The following FANCM variants were observed in gnomAD, a reference collection of about 807,000 sequenced individuals.
FANCM encodes Fanconi anemia group M protein.
A neutral mutation model predicts 199.5 loss-of-function variants in FANCM; 140 were observed. The ratio of observed to expected loss-of-function variants is 0.70; its 90% CI spans 0.61 to 0.81. The LOEUF is 0.81. Among genes scored for constraint, FANCM ranks in the 30% least tolerant of loss-of-function variants. FANCM has a pLI of 0.00. For synonymous variants in FANCM, 840 were observed against 836.8 expected, an observed-to-expected ratio of 1.00 and a Z score of -0.07; for missense variants, 2,410 against 2,421.4, an observed-to-expected ratio of 1.00 and a Z score of 0.10.
intron 3 of FANCM, 126 bp from the exon 4 acceptor site, chr14:45,148,711 G>A (rs1284813199): frequency 1.5e-6 from 1 of 649,960 alleles, no homozygotes. Context: ...TTTCTTTTTT[G>A]TTACTTAATG....
At chr14:45,174,811 T>G (rs1397722638) in intron 13 of FANCM, among the ~76,000 whole-genome samples, 3 of 152,184 alleles carry the variant, frequency 2.0e-5, no homozygotes, top group African/African-American at 7.2e-5. Context: ...TTGTTCTTCC[T>G]ACAAATAGTT....
chr14:45,185,125 A>T (rs1297066920), intron 17 of FANCM, 92 bp from the exon 18 acceptor site: 1 of 898,822 alleles, frequency 1.1e-6, no homozygotes, highest in South Asian at 1.5e-5. Context: ...AAAAGCATTG[A>T]TAAGAAATCA....
At chr14:45,144,854 G>C (rs1169288072) in intron 3 of FANCM, among the ~76,000 whole-genome samples, 1 of 151,880 alleles carries the variant, frequency 6.6e-6, no homozygotes, top group Non-Finnish European at 1.5e-5. Context: ...GCTGGTACCT[G>C]AGGTGTAAGA....
Position 45,196,121 on chromosome 14 carries a change from G to A in FANCM, c.5341-51G>A, listed in dbSNP as rs373917846. On this transcript the variant is annotated intron_variant, in intron 20 of 22. Transcript: ENST00000267430. ...CAACTTCGGGTGTGAGACGTTTATG[G>A]CATTTTTATGCATTTAACCTGAATG... 112 of 1,600,040 alleles carry A rather than the reference G, an allele frequency of 7.0e-5. No homozygotes were observed. The African/African-American group carries it at 1.4e-3, about 20-fold the overall frequency.
intron 5 of FANCM, 143 bp from the exon 6 acceptor site, chr14:45,153,777 A>G: frequency 1.3e-6 from 1 of 744,782 alleles, no homozygotes; most frequent in Non-Finnish European, 2.4e-6. Context: ...CCAATCGGTT[A>G]TAGCAGTGTA....
intron 18 of FANCM, among the ~76,000 whole-genome samples, chr14:45,185,985 A>T (rs1889377233): frequency 6.6e-6 from 1 of 152,110 alleles, no homozygotes; most frequent in South Asian, 2.1e-4. Context: ...TGCAGCCTTG[A>T]ACTCCTAGGC....
rs1284710681 is a variant in FANCM at position 45,136,457 on chromosome 14, A to C, written c.426A>C (p.Pro142=). ...FPSGKVVFMA[P]TKPLVTQQIE... ...CAGGAAAGGTGGTCTTCATGGCCCC[A>C]ACGAAACCCTTGGTGACACAGCAGA... Residue 142 remains proline (P), a synonymous_variant, in exon 1 of 23, where the codon CCA becomes CCC. Coordinates refer to ENST00000267430, the MANE Select transcript of FANCM (RefSeq NM_020937.4). 2.5e-6 allele frequency: 4 copies of C among 1,614,068 alleles called. No homozygotes were observed. Among genetic ancestry groups the C allele is most frequent in the Non-Finnish European group, 3.4e-6 (4 of 1,180,050 alleles).
chr14:45,146,240 G>A (rs1277686071), intron 3 of FANCM, among the ~76,000 whole-genome samples: 251 of 93,152 alleles, frequency 2.7e-3, no homozygotes, highest in South Asian at 3.5e-3. Flanking sequence ...GACTCCGTCT[G>A]AAAAAAAAAA....
intron 20 of FANCM, chr14:45,195,715 T>A (rs1184095824): frequency 9.1e-6 from 3 of 329,022 alleles, no homozygotes; most frequent in African/African-American, 4.3e-5. Flanking sequence ...GTTAGTTTTT[T>A]AAAACTGAAC....
chr14:45,175,536 C>G lies in FANCM; in HGVS notation c.2782C>G (p.Gln928Glu). Residue 928 changes from glutamine (Q) to glutamate (E), a missense_variant, in exon 14 of 23, where the codon CAG becomes GAG. By Grantham distance (29) the Gln-to-Glu change is conservative. Transcript: ENST00000267430. ...ACCGTGTGTGTTATTAACAGAGTGTCAGTTTACAAATAAATCCACTAGTTC... is the reference window on the plus strand; with the variant it reads ...ACCGTGTGTGTTATTAACAGAGTGTGAGTTTACAAATAAATCCACTAGTTC... Reference protein sequence around the residue: ...KEPCVLLTECQFTNKSTSSLA... With the variant: ...KEPCVLLTECEFTNKSTSSLA... 1 of 1,612,598 alleles carries G rather than the reference C, an allele frequency of 6.2e-7. No individual in the cohort carries two copies. The highest frequency in any genetic ancestry group is 1.1e-5 in the South Asian group (1 of 91,006).
chr14:45,180,549 CA>C (rs2139267055), intron 14 of FANCM, among the ~76,000 whole-genome samples: 1 of 152,152 alleles, frequency 6.6e-6, no homozygotes, highest in African/African-American at 2.4e-5. Flanking sequence ...TGGGCTCAAG[CA>C]ATCCTCCTGC....
chr14:45,172,932 G>C, intron 12 of FANCM, 123 bp from the exon 13 acceptor site: 1 of 684,144 alleles, frequency 1.5e-6, no homozygotes, highest in South Asian at 1.7e-5. Context: ...GATTTTAGTT[G>C]GGAGTATCTA....
At chr14:45,145,652 T>G (rs941551721) in intron 3 of FANCM, among the ~76,000 whole-genome samples, 3 of 152,082 alleles carry the variant, frequency 2.0e-5, no homozygotes, top group African/African-American at 7.2e-5. Flanking sequence ...TGGCTGAGCG[T>G]GGTGGCTCAC....
chr14:45,138,406 A>G (rs1281979450), intron 2 of FANCM, among the ~76,000 whole-genome samples: 1 of 152,128 alleles, frequency 6.6e-6, no homozygotes, highest in Non-Finnish European at 1.5e-5. Flanking sequence ...GATAATTGTC[A>G]TCTTTTTTAA....
At chr14:45,194,315 A>AC (rs957226244) in intron 20 of FANCM, among the ~76,000 whole-genome samples, 23 of 151,304 alleles carry the variant, frequency 1.5e-4, no homozygotes, top group African/African-American at 5.3e-4. Flanking sequence ...AAAAAAAAAA[A>AC]CAAAAAAAAA....
In FANCM at chr14:45,153,991, G is replaced by T. The variant is rs899327482; in HGVS notation, c.1122G>T (p.Leu374Phe). 6.3e-7 allele frequency: 1 copy of T among 1,590,836 alleles called. No homozygotes were observed. Among genetic ancestry groups the T allele is most frequent in the Non-Finnish European group, 8.6e-7 (1 of 1,159,014 alleles). The change falls in exon 6 of 23, where the codon TTG (leucine) becomes TTT (phenylalanine). Residue 374 changes from leucine to phenylalanine, a missense_variant. By Grantham distance (22) the Leu-to-Phe change is conservative (BLOSUM62 0). Coordinates refer to ENST00000267430, the MANE Select transcript of FANCM (RefSeq NM_020937.4). ...GTTTATATCATGGTTATGAATTATT[G>T]CAGCAAATGGGAATGAGATCATTAT... ...CISLYHGYEL[L>F]QQMGMRSLYF...
At chr14:45,155,304 C>T (rs940038015) in intron 7 of FANCM, 69 bp from the exon 8 acceptor site, 3 of 688,818 alleles carry the variant, frequency 4.4e-6, no homozygotes, top group African/African-American at 3.7e-5. Context: ...AGATAACTTT[C>T]ATATACATTA....
chr14:45,191,796 A>T (rs535110004), intron 20 of FANCM, among the ~76,000 whole-genome samples: 1 of 152,338 alleles, frequency 6.6e-6, no homozygotes, highest in South Asian at 2.1e-4. Context: ...GATTAAAAAT[A>T]CTAATATTTG....
At chr14:45,170,780 C>G (rs549175133) in intron 12 of FANCM, 34 bp downstream of exon 12, 2 of 1,579,086 alleles carry the variant, frequency 1.3e-6, no homozygotes, top group South Asian at 1.1e-5. Context: ...GTTCTTTTCC[C>G]CCCCCTCATT....
Sources: gnomAD v4.1 joint callset for allele counts (sites outside exome capture counted in the v4.1 genomes callset) on GRCh38, gnomAD v4.1.1 for gene constraint, MANE v1.5 for transcripts, NCBI Gene and HGNC (gene_info 2026-07-23, HGNC 2026-07-21) for gene names.